Variants in SNAP47 observed in about 807,000 individuals in gnomAD.
SNAP47 encodes synaptosome associated protein 47.
SNAP47 carries 20 observed loss-of-function variants against 31.4 expected under a neutral mutation model. The observed-to-expected ratio is 0.64, with a 90% CI of 0.45 to 0.93. The LOEUF (loss-of-function observed/expected upper bound fraction) is 0.93, where lower values mean the gene tolerates loss of function less well. Among genes scored for constraint, SNAP47 ranks in the 40% least tolerant of loss-of-function variants. SNAP47 has a pLI of 0.00. For synonymous variants in SNAP47, 194 were observed against 213.4 expected (o/e 0.91, Z 0.79); for missense variants, 492 against 528.5 (o/e 0.93, Z 0.68).
intron 4 of SNAP47, among the ~76,000 whole-genome samples, chr1:227,771,375 C>T (rs1663793670): frequency 6.6e-6 from 1 of 152,156 alleles, no homozygotes; most frequent in Non-Finnish European, 1.5e-5. Flanking sequence ...ATTGCATGCA[C>T]TTTCTAAATG....
upstream of SNAP47, chr1:227,734,651 C>G: frequency 6.2e-7 from 1 of 1,613,968 alleles, no homozygotes. Context: ...GCCCCATTAC[C>G]TGCACAAGTG....
chr1:227,767,635 G>A (rs928202764), intron 4 of SNAP47, among the ~76,000 whole-genome samples: 8 of 152,114 alleles, frequency 5.3e-5, no homozygotes, highest in Non-Finnish European at 7.3e-5. Context: ...ATGTATATGT[G>A]CTGTATGTGT....
At chr1:227,731,045 TC>T (rs1302265461), upstream of SNAP47, 4 of 152,638 alleles carry the variant, frequency 2.6e-5, no homozygotes, top group African/African-American at 9.7e-5. Flanking sequence ...CTCCCCCTCC[TC>T]CCCGACAAAG....
At chr1:227,736,377 T>C (rs1395553149) in intron 1 of SNAP47, 1 of 152,200 alleles carries the variant, frequency 6.6e-6, no homozygotes, top group African/African-American at 2.4e-5. Flanking sequence ...TGAGGAGTGT[T>C]TTGCCAAACT....
upstream of SNAP47, chr1:227,733,844 G>C (rs1448759996): frequency 6.2e-7 from 1 of 1,603,568 alleles, no homozygotes; most frequent in Non-Finnish European, 8.5e-7. Flanking sequence ...TGCCACCCTG[G>C]GCCTCCCAGT....
rs575233860 is a variant in SNAP47, at chr1:227,747,350, G to A, written c.-45-342G>A. ...TCCAGTGATGTCCTCCTCAAGTCTC[G>A]TCCAGCAGTGGACACTGATCCAAGC... is the stretch of plus-strand genomic sequence containing the variant. On this transcript the variant is annotated intron_variant, in intron 1 of 4. Transcript: ENST00000617596. Among the ~76,000 whole-genome samples the A allele has an allele frequency of 5.9e-5, 9 of 152,276 alleles. No homozygotes were observed. The South Asian group carries it at 1.0e-3, about 18-fold the overall frequency.
chr1:227,753,542 C>T (rs773314485), intron 2 of SNAP47, among the ~76,000 whole-genome samples: 39 of 152,206 alleles, frequency 2.6e-4, no homozygotes, highest in Non-Finnish European at 4.6e-4. Flanking sequence ...AGACACAGAC[C>T]TGCCTCCCTG....
At chr1:227,758,873 G>A (rs1662859677) in intron 2 of SNAP47, 122 bp from the exon 3 acceptor site, 6 of 1,231,430 alleles carry the variant, frequency 4.9e-6, no homozygotes, top group Non-Finnish European at 6.6e-6. Flanking sequence ...AGTGCTTGTG[G>A]AAATGAAGTA....
chr1:227,775,277 C>T (rs1558216701), intron 4 of SNAP47, among the ~76,000 whole-genome samples: 1 of 152,216 alleles, frequency 6.6e-6, no homozygotes, highest in Non-Finnish European at 1.5e-5. Context: ...TATTAATGGC[C>T]CCAACTGGTA....
At chr1:227,766,483 C>G (rs1395028782) in intron 3 of SNAP47, among the ~76,000 whole-genome samples, 1 of 152,194 alleles carries the variant, frequency 6.6e-6, no homozygotes, top group Admixed American at 6.5e-5. Flanking sequence ...AGCCTGACCA[C>G]GGGCAGCTCT....
At position 227,759,092 on chromosome 1, in the gene SNAP47, A is replaced by G; in HGVS notation, c.595A>G (p.Thr199Ala). ...AAAGCCCAGGGAAGATGTCTCCATG[A>G]CCAGTTGTGAACCCTTTGGGAAAGA... ...ETKPREDVSM[T>A]SCEPFGKEGI... The change falls in exon 3 of 5, where the codon ACC becomes GCC. Residue 199 changes from threonine to alanine, a missense_variant. Physicochemically the swap from Thr to Ala is moderately conservative, Grantham distance 58. Transcript: ENST00000617596. The G allele has an allele frequency of 6.2e-7, 1 of 1,614,198 alleles. No homozygotes were observed. Among genetic ancestry groups the G allele is most frequent in the Non-Finnish European group, 8.5e-7 (1 of 1,180,052 alleles).
At chr1:227,765,246 TG>T (rs1663318854) in intron 3 of SNAP47, among the ~76,000 whole-genome samples, 1 of 150,510 alleles carries the variant, frequency 6.6e-6, no homozygotes, top group Admixed American at 6.6e-5. Flanking sequence ...CAGGGCGGGG[TG>T]GGGTATGGGG....
upstream of SNAP47, chr1:227,733,822 C>T: frequency 1.3e-6 from 2 of 1,590,942 alleles, no homozygotes; most frequent in Non-Finnish European, 1.7e-6. Flanking sequence ...CTGTGCCAAG[C>T]AGCCCCCCTC....
At chr1:227,774,102 C>T (rs1236722185) in intron 4 of SNAP47, among the ~76,000 whole-genome samples, 1 of 152,154 alleles carries the variant, frequency 6.6e-6, no homozygotes, top group East Asian at 1.9e-4. Context: ...GTCCGTGGCC[C>T]ATCTCCCAGC....
chr1:227,775,484 G>A (rs959724596), intron 4 of SNAP47, among the ~76,000 whole-genome samples: 10 of 152,180 alleles, frequency 6.6e-5, no homozygotes, highest in African/African-American at 1.9e-4. Flanking sequence ...GTCGCGAGGC[G>A]AGCCAGAGCA....
chr1:227,741,798 C>T lies in SNAP47; in HGVS notation c.-45-5894C>T, dbSNP rs1661622561. 6.6e-6 allele frequency among the ~76,000 whole-genome samples: 1 copy of T among 152,126 alleles called. No homozygotes were observed. Among genetic ancestry groups the T allele is most frequent in the South Asian group, 2.1e-4 (1 of 4,822 alleles). The stretch of plus-strand genomic sequence containing the variant: ...TCTGATGTTCCATGGGGTGTCTTCA[C>T]TTCCGTCCTTGCACTGCATCTCCGT... On this transcript the variant is annotated intron_variant, in intron 1 of 4. Coordinates refer to ENST00000617596, the MANE Select transcript of SNAP47 (RefSeq NM_053052.4). This position sits in a 1 kb window ranked among gnomAD's most constrained non-coding sequence, Gnocchi z 4.2.
Position 227,748,019 on chromosome 1 carries a change from G to A in SNAP47, c.283G>A (p.Glu95Lys), listed in dbSNP as rs763647721. The part of the protein sequence containing the change: ...PSRNVVFSII[E>K]HFWRELLLSQ... ...TCGAAATGTGGTCTTCAGCATCATC[G>A]AGCATTTCTGGAGGGAGCTGCTGCT... The change falls in exon 2 of 5, where the codon GAG becomes AAG. Residue 95 changes from glutamate to lysine, a missense_variant. By Grantham distance (56) the Glu-to-Lys change is moderately conservative (BLOSUM62 1). Transcript: ENST00000617596. The A allele has an allele frequency of 1.9e-5, 31 of 1,614,176 alleles. No individual in the cohort carries two copies. The highest frequency in any genetic ancestry group is 2.2e-5 in the Non-Finnish European group (26 of 1,180,030).
intron 2 of SNAP47, among the ~76,000 whole-genome samples, chr1:227,757,716 G>A (rs1662782319): frequency 1.3e-5 from 2 of 152,186 alleles, no homozygotes; most frequent in Non-Finnish European, 2.9e-5. Context: ...GACTTCTGTT[G>A]GTGACAGTCA....
rs1381136816 is a variant in SNAP47 at position 227,763,257 on chromosome 1, A to T, written c.989-3702A>T. On this transcript the variant is annotated intron_variant, in intron 3 of 4. Transcript: ENST00000617596. The surrounding 1 kb of genome is among the most constrained non-coding windows in gnomAD (Gnocchi z 4.2). The stretch of plus-strand genomic sequence containing the variant: ...GGCGTGAGCCTCTACCCTGCTGTGC[A>T]CAGCGTATTTGAAGGCTGTTTGATC... Among the ~76,000 whole-genome samples the T allele has an allele frequency of 6.6e-6, 1 of 152,046 alleles. No individual in the cohort carries two copies. The highest frequency in any genetic ancestry group is 1.5e-5 in the Non-Finnish European group (1 of 68,012).
Sources: allele counts gnomAD v4.1 joint callset (sites outside exome capture counted in the v4.1 genomes callset), GRCh38; gene constraint gnomAD v4.1.1; non-coding constraint Gnocchi (gnomAD v3.1); transcripts MANE v1.5; gene names NCBI Gene and HGNC (gene_info 2026-07-23, HGNC 2026-07-21).